The following SLC12A2 variants were observed in gnomAD, a reference collection of about 807,000 sequenced individuals.
The protein encoded by SLC12A2 is Na-K-2Cl cotransporter 1.
SLC12A2 carries 67 observed loss-of-function variants against 136.3 expected under a neutral mutation model. The ratio of observed to expected loss-of-function variants is 0.49; its 90% CI spans 0.40 to 0.60. The LOEUF is 0.60. Among genes scored for constraint, SLC12A2 ranks in the 20% least tolerant of loss-of-function variants. The probability of loss-of-function intolerance (pLI) is 0.00; values close to 1 mark genes in which losing one functional copy is unlikely to be tolerated. For missense variants in SLC12A2, 1,322 were observed against 1,534.7 expected, an observed-to-expected ratio of 0.86 and a Z score of 2.32; for synonymous variants, 619 against 562.9, an observed-to-expected ratio of 1.10 and a Z score of -1.41.
intron 9 of SLC12A2, among the ~76,000 whole-genome samples, chr5:128,140,277 G>A (rs750222205): frequency 3.9e-5 from 6 of 152,146 alleles, no homozygotes; most frequent in African/African-American, 9.7e-5. Flanking sequence ...GGGATTACAG[G>A]TGTGAGCCAC....
intron 17 of SLC12A2, among the ~76,000 whole-genome samples, chr5:128,163,515 C>T (rs949426458): frequency 1.2e-4 from 18 of 151,632 alleles, no homozygotes; most frequent in Admixed American, 7.9e-4. Flanking sequence ...GGCGATAGAG[C>T]GAGACCCCAT....
At chr5:128,183,651 T>C (rs1311034388) in intron 24 of SLC12A2, among the ~76,000 whole-genome samples, 1 of 152,014 alleles carries the variant, frequency 6.6e-6, no homozygotes, top group Non-Finnish European at 1.5e-5. Flanking sequence ...AAATTAATTT[T>C]GCATTTCCTT....
At chr5:128,098,585 G>A (rs966179073) in intron 1 of SLC12A2, among the ~76,000 whole-genome samples, 2 of 151,492 alleles carry the variant, frequency 1.3e-5, no homozygotes, top group African/African-American at 4.8e-5. Flanking sequence ...AGACACTACG[G>A]GTTTTGGGGT....
chr5:128,110,770 C>A, intron 1 of SLC12A2: 2 of 1,463,182 alleles, frequency 1.4e-6, no homozygotes, highest in Middle Eastern at 3.9e-4. Flanking sequence ...GACAAAAGAT[C>A]ACAATGAAGA....
intron 21 of SLC12A2, chr5:128,177,640 G>GTGAGAGTTA (rs1763576742): frequency 6.5e-6 from 1 of 153,612 alleles, no homozygotes; most frequent in Non-Finnish European, 1.4e-5. Flanking sequence ...GGAGATAGAG[G>GTGAGAGTTA]TGAGAGTTAT....
Position 128,147,655 on chromosome 5 carries a change from A to G in SLC12A2, c.1807A>G (p.Ile603Val). 3 of 1,610,048 alleles carry G rather than the reference A, an allele frequency of 1.9e-6. No homozygotes were observed. Among genetic ancestry groups the G allele is most frequent in the Non-Finnish European group, 2.5e-6 (3 of 1,177,182 alleles). The change falls in exon 11 of 27, where the codon ATT becomes GTT. Residue 603 changes from isoleucine (I) to valine (V), a missense_variant. This residue lies in a region of SLC12A2 where 294 missense variants were observed against 436.6 expected (regional missense o/e 0.67). Coordinates refer to ENST00000262461, the MANE Select transcript of SLC12A2 (RefSeq NM_001046.3). The part of the protein sequence containing the change: ...MSMVSGFTPL[I>V]SAGIFSATLS... ...TATGGTGTCAGGATTTACACCACTA[A>G]TTTCTGCAGGTATATTTTCAGCCAC...
At chr5:128,124,537 A>G (rs756042148) in intron 4 of SLC12A2, among the ~76,000 whole-genome samples, 6 of 152,206 alleles carry the variant, frequency 3.9e-5, no homozygotes, top group South Asian at 2.1e-4. Flanking sequence ...AATAAAGGCT[A>G]CAACACAGAA....
intron 4 of SLC12A2, 24 bp downstream of exon 4, chr5:128,114,705 T>G: frequency 7.5e-7 from 1 of 1,340,832 alleles, no homozygotes; most frequent in East Asian, 2.3e-5. Context: ...TTTTGAATCA[T>G]CATCATCAGA....
rs557655540 is a variant in SLC12A2 at position 128,187,725 on chromosome 5, T to G, written c.*1094T>G. ...CACTTAGTCTTAATACACTCAGGTT[T>G]GAACAGATTATTCTGAATATTAAAA... On this transcript the variant is annotated 3_prime_UTR_variant, in exon 27 of 27. Coordinates refer to ENST00000262461, the MANE Select transcript of SLC12A2 (RefSeq NM_001046.3). 6.5e-6 allele frequency: 1 copy of G among 152,700 alleles called. No homozygotes were observed. The highest frequency in any genetic ancestry group is 2.4e-5 in the African/African-American group (1 of 41,566). 9.5% of individuals were successfully genotyped at this position (152,700 alleles called of 1,614,324 possible). A position where few individuals can be genotyped will look rare whatever the true frequency, so the allele number is the denominator to read the frequency against.
chr5:128,087,566 T>C (rs889402602), intron 1 of SLC12A2, among the ~76,000 whole-genome samples: 12 of 152,138 alleles, frequency 7.9e-5, no homozygotes, highest in Admixed American at 5.2e-4. Context: ...CACATGAAGG[T>C]AATGGGGTGA....
chr5:128,085,046 G>C (rs1183193119), intron 1 of SLC12A2, among the ~76,000 whole-genome samples: 5 of 151,190 alleles, frequency 3.3e-5, no homozygotes, highest in African/African-American at 1.2e-4. Context: ...GCCCTTTAGA[G>C]GAGAATGTGC....
At chr5:128,092,655 T>A (rs1293860102) in intron 1 of SLC12A2, among the ~76,000 whole-genome samples, 1 of 151,932 alleles carries the variant, frequency 6.6e-6, no homozygotes, top group African/African-American at 2.4e-5. Context: ...TCTCAATTTC[T>A]TTTTTTTGTA....
In SLC12A2 at chr5:128,186,718, A is replaced by C; in HGVS notation, c.*87A>C. The C allele has an allele frequency of 7.7e-7, 1 of 1,306,628 alleles. No homozygotes were observed. The highest frequency in any genetic ancestry group is 1.1e-6 in the Non-Finnish European group (1 of 937,034). The allele number at this position is 1,306,628 out of a possible 1,614,324, so 80.9% of individuals were successfully genotyped here. On this transcript the variant is annotated 3_prime_UTR_variant, in exon 27 of 27. Transcript: ENST00000262461. ...ATCTTCAATGACACATTAACATCACAATGGCGAATGGTGACTTTTCTTTCA... is the reference window on the plus strand; with the variant it reads ...ATCTTCAATGACACATTAACATCACCATGGCGAATGGTGACTTTTCTTTCA...
rs750277953 is a variant in SLC12A2, at chr5:128,134,227, C to T, written c.1251C>T (p.Val417=). 3.7e-6 allele frequency: 6 copies of T among 1,607,538 alleles called. No homozygotes were observed. Among genetic ancestry groups the T allele is most frequent in the South Asian group, 1.1e-5 (1 of 90,740 alleles). The part of the protein sequence containing the change: ...NDIRIIGAIT[V]VILLGISVAG... ...TCCGAATTATTGGAGCCATTACAGT[C>T]GTGATTCTTTTAGGTATCTCAGTAG... Residue 417 remains valine (V), a synonymous_variant, in exon 6 of 27, where the codon GTC becomes GTT. Coordinates refer to ENST00000262461, the MANE Select transcript of SLC12A2 (RefSeq NM_001046.3).
At chr5:128,118,507 G>T (rs1373257029) in intron 4 of SLC12A2, among the ~76,000 whole-genome samples, 1 of 152,228 alleles carries the variant, frequency 6.6e-6, no homozygotes, top group East Asian at 1.9e-4. Context: ...CTTATAAGTG[G>T]GAGGTAAGCT....
At chr5:128,134,751 C>T (rs1018039126) in intron 6 of SLC12A2, among the ~76,000 whole-genome samples, 1 of 152,012 alleles carries the variant, frequency 6.6e-6, no homozygotes, top group Non-Finnish European at 1.5e-5. Context: ...TCACATGTTA[C>T]CCATAAGCAG....
intron 9 of SLC12A2, among the ~76,000 whole-genome samples, chr5:128,141,248 T>C (rs186809922): frequency 6.6e-6 from 1 of 152,338 alleles, no homozygotes; most frequent in Admixed American, 6.5e-5. Flanking sequence ...TCTTGTTTCA[T>C]CTATACCCAA....
At chr5:128,155,552 A>C (rs1762848233) in intron 15 of SLC12A2, among the ~76,000 whole-genome samples, 1 of 152,126 alleles carries the variant, frequency 6.6e-6, no homozygotes, top group African/African-American at 2.4e-5. Flanking sequence ...GAAACTAATA[A>C]TTTTTCTTCT....
intron 16 of SLC12A2, among the ~76,000 whole-genome samples, 172 bp downstream of exon 16, chr5:128,158,336 A>G (rs1050501794): frequency 3.2e-4 from 48 of 151,802 alleles, no homozygotes; most frequent in African/African-American, 1.1e-3. Flanking sequence ...TAGTTTTTTG[A>G]TCCTCACCCT....
Sources: gnomAD v4.1 joint callset for allele counts (sites outside exome capture counted in the v4.1 genomes callset) on GRCh38, gnomAD v4.1.1 for gene constraint, gnomAD v4.1.1 regional missense constraint, MANE v1.5 for transcripts, NCBI Gene and HGNC (gene_info 2026-07-23, HGNC 2026-07-21) for gene names.